SERAC1: variants seen among roughly 807,000 people sequenced by gnomAD.
The protein encoded by SERAC1 is protein SERAC1.
In SERAC1, 36 loss-of-function variants were observed where a neutral mutation model predicts 85.7. The observed-to-expected ratio is 0.42, with a 90% CI of 0.32 to 0.55. The LOEUF (loss-of-function observed/expected upper bound fraction) is 0.55, where lower values mean the gene tolerates loss of function less well. SERAC1 is among the 20% of genes least tolerant of loss of function. SERAC1 has a pLI of 0.11. For missense variants in SERAC1, 629 were observed against 796.2 expected (o/e 0.79, Z 2.53); for synonymous variants, 242 against 265.3 (o/e 0.91, Z 0.85).
chr6:158,150,431 G>A (rs1785175215), intron 4 of SERAC1, 22 bp downstream of exon 4: 1 of 1,531,840 alleles, frequency 6.5e-7, no homozygotes, highest in Non-Finnish European at 9.0e-7. Context: ...TTTCACAGAG[G>A]ATTACTTTAC....
chr6:158,124,786 C>T (rs1784502624), intron 10 of SERAC1, among the ~76,000 whole-genome samples: 1 of 95,622 alleles, frequency 1.0e-5, no homozygotes. Context: ...CACACACACA[C>T]ACATACACAC....
At chr6:158,115,027 A>C (rs942585722) in intron 14 of SERAC1, 56 bp from the exon 15 acceptor site, 32 of 1,529,350 alleles carry the variant, frequency 2.1e-5, no homozygotes, top group Non-Finnish European at 2.8e-5. Flanking sequence ...TCCCTTTATT[A>C]CTGTAAAAAA....
intron 12 of SERAC1, 34 bp downstream of exon 12, chr6:158,118,995 C>T (rs1239517960): frequency 6.3e-7 from 1 of 1,586,816 alleles, no homozygotes; most frequent in Non-Finnish European, 8.6e-7. Flanking sequence ...ACCAGGGCCC[C>T]AGCAACCAGG....
intron 10 of SERAC1, among the ~76,000 whole-genome samples, chr6:158,124,533 A>C (rs1273328706): frequency 6.6e-6 from 1 of 152,204 alleles, no homozygotes; most frequent in Admixed American, 6.5e-5. Context: ...GTATAAGGTA[A>C]TGCATATGTT....
chr6:158,153,448 G>A (rs748516935), intron 3 of SERAC1, among the ~76,000 whole-genome samples: 1 of 151,952 alleles, frequency 6.6e-6, no homozygotes, highest in Admixed American at 6.6e-5. Context: ...CATACAGTAC[G>A]TGTTCCTCTA....
At position 158,158,335 on chromosome 6, in the gene SERAC1, C is replaced by G. The variant is rs1331833238; in HGVS notation, c.29G>C (p.Cys10Ser). The G allele has an allele frequency of 6.8e-6, 11 of 1,613,754 alleles. No individual in the cohort carries two copies. Among genetic ancestry groups the G allele is most frequent in the Non-Finnish European group, 8.5e-6 (10 of 1,179,818 alleles). The stretch of plus-strand genomic sequence containing the variant: ...AGTAGAGGTTCCTATTCTTCTGCAA[C>G]AGATGACGCAATAAGCAGCCAGGGA... MSLAAYCVICCRRIGTSTSP... is the reference protein window; with the variant it reads MSLAAYCVISCRRIGTSTSP... Residue 10 changes from cysteine to serine, a missense_variant, in exon 2 of 17, where the codon TGT (cysteine) becomes TCT (serine). Transcript: ENST00000647468.
chr6:158,156,908 A>G (rs192142755), intron 2 of SERAC1, among the ~76,000 whole-genome samples: 8,082 of 69,480 alleles, frequency 0.12, 777 homozygotes, highest in Middle Eastern at 0.2. Flanking sequence ...AGATATTAAT[A>G]TATTTATATA....
At chr6:158,154,550 A>G (rs1007204257) in intron 3 of SERAC1, among the ~76,000 whole-genome samples, 16 of 152,234 alleles carry the variant, frequency 1.1e-4, no homozygotes, top group Admixed American at 5.9e-4. Flanking sequence ...TAACAAATAC[A>G]GTACGATAGT....
At chr6:158,148,099 G>T (rs1388082500) in intron 5 of SERAC1, among the ~76,000 whole-genome samples, 3 of 152,028 alleles carry the variant, frequency 2.0e-5, no homozygotes, top group African/African-American at 7.2e-5. Context: ...TATATTTAAA[G>T]CTGTTTTTTA....
chr6:158,136,767 T>C (rs918043333), intron 8 of SERAC1, among the ~76,000 whole-genome samples: 6 of 152,164 alleles, frequency 3.9e-5, no homozygotes, highest in African/African-American at 1.4e-4. Context: ...ACAAACCAGA[T>C]GGACTCTCTC....
chr6:158,123,882 G>A (rs1267092669), intron 10 of SERAC1, among the ~76,000 whole-genome samples: 1 of 152,194 alleles, frequency 6.6e-6, no homozygotes, highest in African/African-American at 2.4e-5. Context: ...CAATAGAGAA[G>A]AAAACCAGTC....
intron 3 of SERAC1, 96 bp from the exon 4 acceptor site, chr6:158,150,685 T>C: frequency 1.2e-6 from 1 of 866,378 alleles, no homozygotes; most frequent in East Asian, 2.4e-5. Context: ...TAAACTTCTT[T>C]TTTGTTGGGA....
intron 8 of SERAC1, among the ~76,000 whole-genome samples, chr6:158,131,919 C>A (rs1177776465): frequency 6.6e-6 from 1 of 152,178 alleles, no homozygotes; most frequent in African/African-American, 2.4e-5. Flanking sequence ...TCTTCTTACA[C>A]TGATATATAC....
chr6:158,156,908 A>ATATTTATATAGATATTAATG (rs1562459918), intron 2 of SERAC1, among the ~76,000 whole-genome samples: 1 of 70,430 alleles, frequency 1.4e-5, no homozygotes, highest in African/African-American at 4.4e-5. Flanking sequence ...AGATATTAAT[A>ATATTTATATAGATATTAATG]TATTTATATA....
chr6:158,114,771 T>C lies in SERAC1; in HGVS notation c.1684+18A>G. ...ATGTTAATATAACCCCAATTTCCTT[T>C]ATGACAAAAAGTATTACCCTTGCTG... On this transcript the variant is annotated intron_variant, in intron 15 of 16. Coordinates refer to ENST00000647468, the MANE Select transcript of SERAC1 (RefSeq NM_032861.4). 1 of 1,602,736 alleles carries C rather than the reference T, an allele frequency of 6.2e-7. No homozygotes were observed. The highest frequency in any genetic ancestry group is 8.5e-7 in the Non-Finnish European group (1 of 1,175,490).
intron 9 of SERAC1, 78 bp from the exon 10 acceptor site, chr6:158,128,348 G>T: frequency 1.4e-6 from 2 of 1,432,412 alleles, no homozygotes; most frequent in Non-Finnish European, 1.9e-6. Flanking sequence ...TGGTCATGGG[G>T]ACAGCTAGGT....
chr6:158,162,989 G>A lies in SERAC1; in HGVS notation c.-1-4625C>T, dbSNP rs546744760. ...GAGACTTGGGAAGTACGTGCACATC[G>A]AGGCTCCTGTCTTTTTGCTCTTGAG... On this transcript the variant is annotated intron_variant, in intron 1 of 16. Coordinates refer to ENST00000647468, the MANE Select transcript of SERAC1 (RefSeq NM_032861.4). Among the ~76,000 whole-genome samples, 76 of 152,260 alleles carry A rather than the reference G, an allele frequency of 5.0e-4. No homozygotes were observed. In the East Asian group the frequency reaches 5.2e-3, roughly 10 times the overall value.
At chr6:158,113,288 A>G in intron 16 of SERAC1, 161 bp downstream of exon 16, 1 of 602,062 alleles carries the variant, frequency 1.7e-6, no homozygotes. Context: ...GTTTACAGAG[A>G]AATTTTAATC....
intron 14 of SERAC1, 54 bp downstream of exon 14, chr6:158,116,131 G>T: frequency 6.9e-7 from 1 of 1,444,726 alleles, no homozygotes; most frequent in Non-Finnish European, 9.7e-7. Flanking sequence ...GTTGGCCACA[G>T]TGGCTGAAAA....
Sources: allele counts gnomAD v4.1 joint callset (sites outside exome capture counted in the v4.1 genomes callset), GRCh38; gene constraint gnomAD v4.1.1; transcripts MANE v1.5; gene names NCBI Gene and HGNC (gene_info 2026-07-23, HGNC 2026-07-21).